CDYL: variants seen among roughly 807,000 people sequenced by gnomAD.
CDYL encodes chromodomain Y like.
A neutral mutation model predicts 47.3 loss-of-function variants in CDYL; 8 were observed. That is an observed-to-expected ratio of 0.17 (90% confidence interval 0.10 to 0.31). CDYL has a LOEUF of 0.31. Ranked by LOEUF, CDYL falls within the 10% of genes least tolerant of loss-of-function variation. The pLI is 1.00. For synonymous variants in CDYL, 266 were observed against 265.0 expected (o/e 1.00, Z -0.04); for missense variants, 471 against 701.4 (o/e 0.67, Z 3.71).
intron 3 of CDYL, among the ~76,000 whole-genome samples, chr6:4,761,302 G>T (rs1389715792): frequency 6.6e-6 from 1 of 152,142 alleles, no homozygotes; most frequent in African/African-American, 2.4e-5. Context: ...GGTACCATGA[G>T]AGGGTCAATC....
chr6:4,913,980 A>C (rs750199296), intron 2 of CDYL, among the ~76,000 whole-genome samples: 2 of 152,232 alleles, frequency 1.3e-5, no homozygotes, highest in African/African-American at 2.4e-5. Context: ...ATTACCATGT[A>C]TGCCTGAGTC....
intron 1 of CDYL, among the ~76,000 whole-genome samples, chr6:4,834,612 T>C (rs1464876961): frequency 7.1e-4 from 107 of 151,602 alleles, no homozygotes; most frequent in Admixed American, 1.9e-3. Context: ...TGAATCTGAA[T>C]GTTGGCCTGC....
At chr6:4,836,531 C>A (rs961389705) in intron 1 of CDYL, among the ~76,000 whole-genome samples, 1 of 152,186 alleles carries the variant, frequency 6.6e-6, no homozygotes, top group African/African-American at 2.4e-5. Flanking sequence ...ACCAGCCTCT[C>A]CCCTCTCCTG....
chr6:4,722,618 T>C (rs1464352292), intron 2 of CDYL, among the ~76,000 whole-genome samples: 1 of 151,970 alleles, frequency 6.6e-6, no homozygotes, highest in African/African-American at 2.4e-5. Flanking sequence ...GGCTCATGCC[T>C]GTAATCCCAG....
At chr6:4,883,684 C>G (rs1018926082) in intron 1 of CDYL, among the ~76,000 whole-genome samples, 7 of 152,200 alleles carry the variant, frequency 4.6e-5, no homozygotes, top group African/African-American at 1.7e-4. Context: ...CTAGAAAGCT[C>G]TGTTGAAGGC....
chr6:4,900,783 A>ATATGTATGTGTG (rs1561697435), intron 2 of CDYL, among the ~76,000 whole-genome samples: 1 of 30,676 alleles, frequency 3.3e-5, no homozygotes, highest in Non-Finnish European at 5.6e-5. Flanking sequence ...ACGTGTGTAT[A>ATATGTATGTGTG]TATATATATA....
chr6:4,751,857 T>A (rs1474975370), intron 3 of CDYL, among the ~76,000 whole-genome samples: 1 of 152,234 alleles, frequency 6.6e-6, no homozygotes, highest in Non-Finnish European at 1.5e-5. Flanking sequence ...AAAGGCTTTA[T>A]CTTTCACAAG....
chr6:4,740,687 G>A (rs1201074104), intron 3 of CDYL, among the ~76,000 whole-genome samples: 1 of 152,062 alleles, frequency 6.6e-6, no homozygotes, highest in Non-Finnish European at 1.5e-5. Context: ...GAGAGTGTGG[G>A]TGATAGAGCT....
chr6:4,793,592 T>C (rs1758988738), intron 1 of CDYL, among the ~76,000 whole-genome samples: 3 of 152,122 alleles, frequency 2.0e-5, no homozygotes, highest in Admixed American at 6.6e-5. Context: ...ATTAAATTAT[T>C]TTAAAGTTTA....
intron 1 of CDYL, among the ~76,000 whole-genome samples, chr6:4,798,554 A>G (rs1444196299): frequency 6.6e-6 from 1 of 152,196 alleles, no homozygotes; most frequent in Non-Finnish European, 1.5e-5. Context: ...TGGTCTCAGT[A>G]TGAATTGATC....
rs577492198 is a variant in CDYL at position 4,919,306 on chromosome 6, T to TA, written c.692-16198dup. Among the ~76,000 whole-genome samples the TA allele has an allele frequency of 8.7e-4, 125 of 143,358 alleles. 1 individual carries two copies. Among genetic ancestry groups the TA allele is most frequent in the South Asian group, 7.3e-3 (33 of 4,544 alleles). The allele number at this position is 143,358 out of a possible 152,430, so 94.0% of individuals were successfully genotyped here. A position where few individuals can be genotyped will look rare whatever the true frequency, so the allele number is the denominator to read the frequency against. On this transcript the variant is annotated intron_variant, in intron 2 of 6. Coordinates refer to ENST00000397588, the MANE Select transcript of CDYL (RefSeq NM_004824.4). ...GCTGGCATACAGCAGTTCCAGGATATAAAAAAAAAAAGAAGTAAGAGTTTG... is the reference window on the plus strand; with the variant it reads ...GCTGGCATACAGCAGTTCCAGGATATAAAAAAAAAAAAGAAGTAAGAGTTTG...
At chr6:4,894,877 GTGTA>G (rs1762156490) in intron 2 of CDYL, among the ~76,000 whole-genome samples, 24 of 2,990 alleles carry the variant, frequency 8.0e-3, no homozygotes, top group South Asian at 0.11. Context: ...ATACACACAT[GTGTA>G]TGTGTGTGTA....
intron 1 of CDYL, chr6:4,890,260 T>C (rs994251439): frequency 1.6e-6 from 1 of 619,412 alleles, no homozygotes; most frequent in Non-Finnish European, 2.0e-6. Context: ...TCCAGAAATA[T>C]GTCTTTTACT....
chr6:4,869,099 A>AT lies in CDYL; in HGVS notation c.25-22601dup, dbSNP rs369510791. ...AATCTGATCTGATCATTTCTTTCTT[A>AT]TTTTTTTTTTTTTCGAGACGGAGTC... On this transcript the variant is annotated intron_variant, in intron 1 of 6. Transcript: ENST00000397588. Among the ~76,000 whole-genome samples the AT allele has an allele frequency of 6.1e-3, 839 of 138,646 alleles. 2 individuals carry two copies. The highest frequency in any genetic ancestry group is 0.016 in the African/African-American group (601 of 38,396). 91.0% of individuals were successfully genotyped at this position (138,646 alleles called of 152,430 possible).
At chr6:4,844,360 G>A (rs563228418) in intron 1 of CDYL, among the ~76,000 whole-genome samples, 46 of 152,266 alleles carry the variant, frequency 3.0e-4, no homozygotes, top group Non-Finnish European at 6.0e-4. Flanking sequence ...TAGAGCTCCC[G>A]GGAGATTATG....
At chr6:4,735,904 A>T (rs1757694670) in intron 3 of CDYL, among the ~76,000 whole-genome samples, 1 of 37,360 alleles carries the variant, frequency 2.7e-5, no homozygotes. Flanking sequence ...TGTGCACGTG[A>T]TGGGGGGGGG....
intron 4 of CDYL, among the ~76,000 whole-genome samples, chr6:4,940,007 C>G (rs78708314): frequency 0.1 from 15,435 of 152,216 alleles, 964 homozygotes; most frequent in South Asian, 0.16. Flanking sequence ...CAGCTCACTC[C>G]TCCCTCCAGC....
At position 4,893,822 on chromosome 6, in the gene CDYL, C is replaced by T. The variant is rs191539012; in HGVS notation, c.691+1443C>T. ...TTTGGGGAGCTACTTTCCTCTAAAG[C>T]GAAGTGTTCACTAAGACATTCTAAC... On this transcript the variant is annotated intron_variant, in intron 2 of 6. Coordinates refer to ENST00000397588, the MANE Select transcript of CDYL (RefSeq NM_004824.4). Among the ~76,000 whole-genome samples, 19 of 152,318 alleles carry T rather than the reference C, an allele frequency of 1.2e-4. No individual in the cohort carries two copies. In the East Asian group the frequency reaches 3.1e-3, roughly 25 times the overall value.
intron 1 of CDYL, among the ~76,000 whole-genome samples, chr6:4,793,706 A>T (rs112544245): frequency 6.6e-6 from 1 of 152,148 alleles, no homozygotes; most frequent in African/African-American, 2.4e-5. Context: ...GGTGGTTTGA[A>T]ACCCAGGTGG....
Sources: gnomAD v4.1 joint callset for allele counts (sites outside exome capture counted in the v4.1 genomes callset) on GRCh38, gnomAD v4.1.1 for gene constraint, MANE v1.5 for transcripts, NCBI Gene and HGNC (gene_info 2026-07-23, HGNC 2026-07-21) for gene names.